The following PRIM2 variants were observed in gnomAD, a reference collection of about 807,000 sequenced individuals.
The protein encoded by PRIM2 is DNA primase large subunit.
In PRIM2, 39 loss-of-function variants were observed where a neutral mutation model predicts 67.3. That is an observed-to-expected ratio of 0.58 (90% confidence interval 0.45 to 0.76). The LOEUF (loss-of-function observed/expected upper bound fraction) is 0.76. Among genes scored for constraint, PRIM2 ranks in the 30% least tolerant of loss-of-function variants. The probability of loss-of-function intolerance (pLI) is 0.00; values close to 1 mark genes in which losing one functional copy is unlikely to be tolerated. For synonymous variants in PRIM2, 143 were observed against 198.7 expected (o/e 0.72, Z 2.36); for missense variants, 398 against 598.7 (o/e 0.66, Z 3.50).
intron 12 of PRIM2, among the ~76,000 whole-genome samples, chr6:57,629,604 A>G (rs1376389689): frequency 2.0e-5 from 3 of 152,084 alleles, no homozygotes; most frequent in African/African-American, 7.2e-5. Flanking sequence ...CTGACCACTT[A>G]CCATCGCCAC....
the PRIM2 span, among the ~76,000 whole-genome samples, chr6:57,285,631 T>G: frequency 2.6e-5 from 4 of 152,092 alleles, no homozygotes; most frequent in African/African-American, 9.7e-5. Context: ...CTCAAAATAA[T>G]AAGAGCTATA....
chr6:57,568,467 T>C (rs1344336068), intron 10 of PRIM2, among the ~76,000 whole-genome samples: 1 of 152,252 alleles, frequency 6.6e-6, no homozygotes, highest in Non-Finnish European at 1.5e-5. Flanking sequence ...AAACCCCTAC[T>C]ATTTATTATT....
intron 13 of PRIM2, among the ~76,000 whole-genome samples, chr6:57,638,077 T>G (rs1253624583): frequency 6.6e-6 from 1 of 152,064 alleles, no homozygotes; most frequent in Non-Finnish European, 1.5e-5. Context: ...CAAGCCAGAA[T>G]AGAGTGGGAG....
chr6:57,601,890 C>T (rs1187828695), intron 11 of PRIM2, among the ~76,000 whole-genome samples: 4 of 152,018 alleles, frequency 2.6e-5, no homozygotes, highest in South Asian at 4.1e-4. Context: ...AAAGACTGCA[C>T]ACTTTTGGAC....
At chr6:57,323,079 A>AG (rs1554322952) in intron 3 of PRIM2, among the ~76,000 whole-genome samples, 1 of 143,246 alleles carries the variant, frequency 7.0e-6, no homozygotes, top group Non-Finnish European at 1.5e-5. Flanking sequence ...CCTCCCTCAT[A>AG]GGGTTTTTTT....
the PRIM2 span, among the ~76,000 whole-genome samples, chr6:57,245,656 G>A: frequency 6.6e-6 from 1 of 152,164 alleles, no homozygotes; most frequent in East Asian, 1.9e-4. Flanking sequence ...TCCTGGTCTG[G>A]TGTAACTGCT....
chr6:57,594,522 C>G (rs1422373328), intron 10 of PRIM2, among the ~76,000 whole-genome samples: 1 of 152,194 alleles, frequency 6.6e-6, no homozygotes, highest in African/African-American at 2.4e-5. Context: ...TAGACCTACA[C>G]ATATGTGGTC....
At chr6:57,323,237 A>G (rs115877601) in intron 3 of PRIM2, among the ~76,000 whole-genome samples, 46 of 152,194 alleles carry the variant, frequency 3.0e-4, no homozygotes, top group Admixed American at 1.8e-3. Context: ...ACGAAATTAT[A>G]TTTTCCAAAT....
chr6:57,245,292 T>A, the PRIM2 span, among the ~76,000 whole-genome samples: 1 of 152,074 alleles, frequency 6.6e-6, no homozygotes, highest in Non-Finnish European at 1.5e-5. Flanking sequence ...AAACACAAGA[T>A]CAAAGATAAA....
intron 7 of PRIM2, among the ~76,000 whole-genome samples, chr6:57,385,271 C>G (rs1233476108): frequency 2.0e-5 from 3 of 152,176 alleles, no homozygotes; most frequent in Non-Finnish European, 4.4e-5. Context: ...TATTTATGAA[C>G]TTTGAATTCC....
the PRIM2 span, among the ~76,000 whole-genome samples, chr6:57,246,998 G>A: frequency 6.6e-6 from 1 of 152,120 alleles, no homozygotes; most frequent in South Asian, 2.1e-4. Flanking sequence ...GGGACTACAG[G>A]TACCCACCAC....
At chr6:57,479,886 A>G (rs1773572792) in intron 7 of PRIM2, among the ~76,000 whole-genome samples, 1 of 152,240 alleles carries the variant, frequency 6.6e-6, no homozygotes, top group Non-Finnish European at 1.5e-5. Flanking sequence ...AGCTAAAGCA[A>G]CTAACTATGG....
chr6:57,275,587 C>T, the PRIM2 span, among the ~76,000 whole-genome samples: 11 of 152,354 alleles, frequency 7.2e-5, no homozygotes, highest in East Asian at 1.7e-3. Context: ...CTTGGACTGC[C>T]AGGCTGCTAG....
intron 10 of PRIM2, among the ~76,000 whole-genome samples, chr6:57,563,927 G>A (rs1775687350): frequency 6.6e-6 from 1 of 152,200 alleles, no homozygotes; most frequent in Admixed American, 6.5e-5. Flanking sequence ...CCAAAGTGCT[G>A]GGATTACAGG....
At chr6:57,553,510 A>C (rs1775445619) in intron 10 of PRIM2, among the ~76,000 whole-genome samples, 1 of 152,220 alleles carries the variant, frequency 6.6e-6, no homozygotes, top group Admixed American at 6.5e-5. Flanking sequence ...AGAAGAGATC[A>C]TGAAGTCTTT....
At chr6:57,357,454 T>C (rs796725608) in intron 5 of PRIM2, among the ~76,000 whole-genome samples, 34 of 152,360 alleles carry the variant, frequency 2.2e-4, no homozygotes, top group African/African-American at 7.9e-4. Flanking sequence ...CCTTTAGTTG[T>C]GAAAACATGT....
chr6:57,401,016 G>A (rs73749241), intron 7 of PRIM2, among the ~76,000 whole-genome samples: 1 of 152,046 alleles, frequency 6.6e-6, no homozygotes, highest in African/African-American at 2.4e-5. Context: ...TTTATCATTT[G>A]GTTGTGATTC....
At chr6:57,590,657 G>A (rs1282320446) in intron 10 of PRIM2, among the ~76,000 whole-genome samples, 11 of 152,252 alleles carry the variant, frequency 7.2e-5, no homozygotes, top group African/African-American at 2.6e-4. Flanking sequence ...AATATCTGGG[G>A]GGTTCTTTCT....
the PRIM2 span, among the ~76,000 whole-genome samples, chr6:57,286,591 T>C: frequency 6.6e-6 from 1 of 152,142 alleles, no homozygotes; most frequent in African/African-American, 2.4e-5. Context: ...GCCTTACACC[T>C]TATACAAAAA....
Sources: allele counts gnomAD v4.1 joint callset (sites outside exome capture counted in the v4.1 genomes callset), GRCh38; gene constraint gnomAD v4.1.1; transcripts MANE v1.5; gene names NCBI Gene and HGNC (gene_info 2026-07-23, HGNC 2026-07-21).